Variants in IL1RAPL2 observed in about 807,000 individuals in gnomAD.
The protein encoded by IL1RAPL2 is interleukin 1 receptor accessory protein like 2.
Under a neutral mutation model 44.1 loss-of-function variants are expected in IL1RAPL2, and 3 were observed. That is an observed-to-expected ratio of 0.07 (90% CI 0.03 to 0.18). IL1RAPL2 has a LOEUF of 0.18. Ranked by LOEUF, IL1RAPL2 falls within the 10% of genes least tolerant of loss-of-function variation. The pLI, the probability that IL1RAPL2 is intolerant of heterozygous loss-of-function variation, is 1.00. For synonymous variants in IL1RAPL2, 181 were observed against 178.8 expected (o/e 1.01, Z -0.10); for missense variants, 391 against 496.4 (o/e 0.79, Z 2.02).
chrX:104,842,841 G>C (rs1453079494), intron 2 of IL1RAPL2, among the ~76,000 whole-genome samples: 1 of 112,595 alleles, frequency 8.9e-6, no homozygotes, highest in Admixed American at 9.3e-5. Flanking sequence ...CCTGTTGGGA[G>C]GTCTCTCCCA....
At chrX:104,813,236 G>C (rs1229857225) in intron 2 of IL1RAPL2, among the ~76,000 whole-genome samples, 1 of 111,474 alleles carries the variant, frequency 9.0e-6, no homozygotes, top group East Asian at 2.8e-4. Flanking sequence ...GTGGGATGGG[G>C]AGAAGGGATT....
chrX:104,834,242 C>T (rs1174360304), intron 2 of IL1RAPL2, among the ~76,000 whole-genome samples: 2 of 111,971 alleles, frequency 1.8e-5, no homozygotes, highest in Admixed American at 1.9e-4. Flanking sequence ...CCTTGTTATT[C>T]AATACATTGC....
intron 1 of IL1RAPL2, among the ~76,000 whole-genome samples, chrX:104,600,576 G>C (rs1184471216): frequency 9.2e-6 from 1 of 108,554 alleles, no homozygotes; most frequent in African/African-American, 3.4e-5. Context: ...TGTTACATGA[G>C]TAAATTGTGT....
At chrX:105,103,592 G>A (rs1481916858) in intron 2 of IL1RAPL2, among the ~76,000 whole-genome samples, 1 of 111,638 alleles carries the variant, frequency 9.0e-6, no homozygotes, top group African/African-American at 3.3e-5. Context: ...AAAGTCCTAC[G>A]GTTCACTAAT....
At chrX:105,058,944 A>G (rs1353105098) in intron 2 of IL1RAPL2, among the ~76,000 whole-genome samples, 3 of 111,439 alleles carry the variant, frequency 2.7e-5, no homozygotes, top group African/African-American at 9.8e-5. Context: ...TGGGGCAGTG[A>G]CACCTCTTGC....
intron 3 of IL1RAPL2, among the ~76,000 whole-genome samples, chrX:105,209,741 A>G (rs1299646095): frequency 8.9e-6 from 1 of 112,271 alleles, no homozygotes; most frequent in Admixed American, 9.4e-5. Flanking sequence ...TTTAATAGGC[A>G]TAACACAGGA....
intron 5 of IL1RAPL2, among the ~76,000 whole-genome samples, chrX:105,358,126 G>A (rs2035218174): frequency 9.2e-6 from 1 of 108,156 alleles, no homozygotes; most frequent in African/African-American, 3.4e-5. Context: ...TGAAGAAAGT[G>A]CAGTACAGAG....
At chrX:104,660,419 A>G (rs1293326669) in intron 2 of IL1RAPL2, among the ~76,000 whole-genome samples, 1 of 109,652 alleles carries the variant, frequency 9.1e-6, no homozygotes, top group Non-Finnish European at 1.9e-5. Flanking sequence ...TTAAAAAGTC[A>G]TCTGTATTAT....
intron 2 of IL1RAPL2, among the ~76,000 whole-genome samples, chrX:104,985,547 G>A (rs1189672657): frequency 8.9e-6 from 1 of 111,793 alleles, no homozygotes; most frequent in African/African-American, 3.3e-5. Flanking sequence ...TGGTTATAGA[G>A]GTTATACATG....
chrX:105,172,130 G>T (rs2033429320), intron 2 of IL1RAPL2, among the ~76,000 whole-genome samples: 1 of 112,275 alleles, frequency 8.9e-6, no homozygotes, highest in South Asian at 3.7e-4. Context: ...GGCAGCAAGG[G>T]CAAGAGGCTG....
chrX:105,136,840 A>G (rs192131324), intron 2 of IL1RAPL2, among the ~76,000 whole-genome samples: 2 of 112,424 alleles, frequency 1.8e-5, no homozygotes, highest in Admixed American at 1.9e-4. Context: ...TTAGCTTGTA[A>G]AATGAGAAAG....
intron 2 of IL1RAPL2, among the ~76,000 whole-genome samples, chrX:105,092,547 G>T (rs6621922): frequency 0.09 from 9,948 of 110,560 alleles, 1,098 homozygotes; most frequent in African/African-American, 0.31. Flanking sequence ...ATTGAGACTC[G>T]ATTACCTAGG....
chrX:105,517,474 A>G (rs1477283040), intron 6 of IL1RAPL2, among the ~76,000 whole-genome samples: 1 of 111,188 alleles, frequency 9.0e-6, no homozygotes, highest in Middle Eastern at 4.2e-3. Flanking sequence ...TTCATTCTAT[A>G]ATGCAAATTT....
rs763639444 is a variant in IL1RAPL2 at position 104,953,278 on chromosome X, C to T, written c.83-242197C>T. Among the ~76,000 whole-genome samples the T allele has an allele frequency of 7.2e-5, 8 of 111,704 alleles. No homozygotes were observed. The East Asian group carries it at 2.2e-3, about 31-fold the overall frequency. On this transcript the variant is annotated intron_variant, in intron 2 of 10. Coordinates refer to ENST00000372582, the MANE Select transcript of IL1RAPL2 (RefSeq NM_017416.2). ...TCAAGAAGTACATATTTACAGTGTG[C>T]TGAGTACTCTTATAGAAGAAAACAC...
At chrX:105,026,776 A>G (rs993170765) in intron 2 of IL1RAPL2, among the ~76,000 whole-genome samples, 1 of 110,997 alleles carries the variant, frequency 9.0e-6, no homozygotes, top group Non-Finnish European at 1.9e-5. Context: ...AAAGCAATAT[A>G]CAGATTAAAT....
intron 2 of IL1RAPL2, among the ~76,000 whole-genome samples, chrX:104,901,081 A>T (rs1923798733): frequency 9.1e-6 from 1 of 109,407 alleles, no homozygotes; most frequent in Non-Finnish European, 1.9e-5. Flanking sequence ...AGGTCCTTCT[A>T]TTATTCCTTT....
intron 1 of IL1RAPL2, among the ~76,000 whole-genome samples, chrX:104,637,778 ATGTGTGTGTGTGTGTGTGTGTGTC>A (rs1198435037): frequency 1.0e-5 from 1 of 99,047 alleles, no homozygotes. Flanking sequence ...GTTTTTGTGT[ATGTGTGTGTGTGTGTGTGTGTGTC>A]TGTGTGTGTG....
At chrX:104,667,436 C>T (rs748379319) in intron 2 of IL1RAPL2, among the ~76,000 whole-genome samples, 13 of 111,250 alleles carry the variant, frequency 1.2e-4, no homozygotes, top group Non-Finnish European at 9.4e-5. Flanking sequence ...TAACATGCAT[C>T]GAGTGCTCCT....
At chrX:105,394,135 C>T (rs773133328) in intron 5 of IL1RAPL2, among the ~76,000 whole-genome samples, 2 of 112,145 alleles carry the variant, frequency 1.8e-5, no homozygotes, top group South Asian at 7.4e-4. Flanking sequence ...GCTAATCATG[C>T]ATTTATGGCA....
Sources: allele counts gnomAD v4.1 joint callset (sites outside exome capture counted in the v4.1 genomes callset), GRCh38; gene constraint gnomAD v4.1.1; transcripts MANE v1.5; gene names NCBI Gene and HGNC (gene_info 2026-07-23, HGNC 2026-07-21).